Variants in RAD51B observed in about 807,000 individuals in gnomAD.
RAD51B encodes DNA repair protein RAD51 homolog 2.
RAD51B carries 38 observed loss-of-function variants against 42.2 expected under a neutral mutation model. The ratio of observed to expected loss-of-function variants is 0.90; its 90% CI spans 0.70 to 1.18. The LOEUF is 1.18. Among genes scored for constraint, RAD51B ranks in the 50% most tolerant of loss-of-function variants. The probability of loss-of-function intolerance (pLI) is 0.00; values close to 1 mark genes in which losing one functional copy is unlikely to be tolerated. For missense variants in RAD51B, 373 were observed against 400.7 expected, an observed-to-expected ratio of 0.93 and a Z score of 0.59; for synonymous variants, 154 against 145.2, an observed-to-expected ratio of 1.06 and a Z score of -0.43.
chr14:67,823,368 A>T (rs1031688465), intron 1 of RAD51B, among the ~76,000 whole-genome samples, 174 bp from the exon 2 acceptor site: 1 of 152,202 alleles, frequency 6.6e-6, no homozygotes, highest in African/African-American at 2.4e-5. Context: ...AAAACATTTA[A>T]AAAGGTTCTA....
intron 8 of RAD51B, chr14:68,387,059 T>C (rs1263239732): frequency 6.6e-6 from 1 of 152,254 alleles, no homozygotes; most frequent in Non-Finnish European, 1.5e-5. Flanking sequence ...GGGATGGTTG[T>C]TGCTTTTCCC....
intron 10 of RAD51B, among the ~76,000 whole-genome samples, chr14:68,529,572 G>C (rs748546548): frequency 1.3e-5 from 2 of 152,204 alleles, no homozygotes; most frequent in Non-Finnish European, 2.9e-5. Flanking sequence ...CAGAAGCTAG[G>C]ATGCTTTCAC....
At position 68,196,989 on chromosome 14, in the gene RAD51B, G is replaced by A. The variant is rs932239961; in HGVS notation, c.757-94895G>A. Among the ~76,000 whole-genome samples the A allele has an allele frequency of 4.0e-4, 61 of 152,050 alleles. 1 individual carries two copies. The highest frequency in any genetic ancestry group is 2.2e-4 in the Non-Finnish European group (15 of 67,990). On this transcript the variant is annotated intron_variant, in intron 7 of 10. Coordinates refer to ENST00000471583, the MANE Select transcript of RAD51B (RefSeq NM_133510.4). Reference sequence around the variant, plus strand: ...GAATGCTGGAAATCCTATAAACAATGGCTTCTTTAGTTTAAGACTCTAACT... The same window carrying A: ...GAATGCTGGAAATCCTATAAACAATAGCTTCTTTAGTTTAAGACTCTAACT...
At chr14:67,899,362 T>C (rs1207032307) in intron 7 of RAD51B, among the ~76,000 whole-genome samples, 2 of 152,146 alleles carry the variant, frequency 1.3e-5, no homozygotes, top group African/African-American at 4.8e-5. Context: ...ATTATTTTAA[T>C]GTTGACTCAG....
intron 4 of RAD51B, 161 bp from the exon 5 acceptor site, chr14:67,864,842 C>T: frequency 2.6e-6 from 3 of 1,158,364 alleles, no homozygotes; most frequent in Non-Finnish European, 3.7e-6. Flanking sequence ...TAATTCATTC[C>T]ATACAATGGA....
Position 68,349,238 on chromosome 14 carries a change from A to C in RAD51B, c.853+57258A>C, listed in dbSNP as rs781587559. Among the ~76,000 whole-genome samples the C allele has an allele frequency of 6.6e-4, 101 of 152,220 alleles. 1 individual carries two copies. Among genetic ancestry groups the C allele is most frequent in the Non-Finnish European group, 1.3e-3 (91 of 68,042 alleles). ...CATTTGACATATAGGCCAAATGGAC[A>C]TTGGCTGAGTGTCATTGTAAAATCT... On this transcript the variant is annotated intron_variant, in intron 8 of 10. Coordinates refer to ENST00000471583, the MANE Select transcript of RAD51B (RefSeq NM_133510.4).
At chr14:67,869,048 C>T (rs1463896734) in intron 5 of RAD51B, among the ~76,000 whole-genome samples, 7 of 152,212 alleles carry the variant, frequency 4.6e-5, no homozygotes, top group East Asian at 3.9e-4. Context: ...TCCAAAGGAA[C>T]GCAGTTCCTC....
intron 7 of RAD51B, among the ~76,000 whole-genome samples, chr14:68,158,322 T>C (rs1376889458): frequency 2.0e-5 from 3 of 152,242 alleles, no homozygotes; most frequent in African/African-American, 7.2e-5. Context: ...ACCCAAATGG[T>C]ATAATTCTTC....
intron 7 of RAD51B, among the ~76,000 whole-genome samples, chr14:68,082,954 A>T (rs2076933761): frequency 1.3e-5 from 2 of 152,130 alleles, no homozygotes; most frequent in African/African-American, 4.8e-5. Flanking sequence ...TTTCCCCAGG[A>T]CACTCTCCTA....
At chr14:68,357,065 A>G (rs1032279940) in intron 8 of RAD51B, among the ~76,000 whole-genome samples, 3 of 151,976 alleles carry the variant, frequency 2.0e-5, no homozygotes, top group Non-Finnish European at 1.5e-5. Context: ...GTAGCATGTC[A>G]TGCTGTTTGA....
intron 6 of RAD51B, among the ~76,000 whole-genome samples, chr14:67,886,439 T>G (rs1368938745): frequency 6.6e-6 from 1 of 152,108 alleles, no homozygotes; most frequent in Non-Finnish European, 1.5e-5. Context: ...CTCCCTAATA[T>G]AGTTGTTGGA....
chr14:68,053,760 T>G (rs1045683798), intron 7 of RAD51B, among the ~76,000 whole-genome samples: 4 of 152,202 alleles, frequency 2.6e-5, no homozygotes, highest in Non-Finnish European at 5.9e-5. Flanking sequence ...TGTATTATCT[T>G]GAATAACTCC....
At chr14:68,584,300 T>C (rs887094494) in intron 10 of RAD51B, among the ~76,000 whole-genome samples, 1 of 152,178 alleles carries the variant, frequency 6.6e-6, no homozygotes, top group Non-Finnish European at 1.5e-5. Context: ...ATCTAGGACC[T>C]CCTTGGGGCC....
chr14:68,158,367 G>A (rs2078562907), intron 7 of RAD51B, among the ~76,000 whole-genome samples: 1 of 152,190 alleles, frequency 6.6e-6, no homozygotes, highest in South Asian at 2.1e-4. Context: ...CATCTGCCAA[G>A]TAAATGGTTT....
chr14:68,308,967 A>G (rs2081920409), intron 8 of RAD51B, among the ~76,000 whole-genome samples: 1 of 152,212 alleles, frequency 6.6e-6, no homozygotes. Flanking sequence ...AGGCTCTTAC[A>G]AAACAGAGGG....
At chr14:68,662,764 C>G (rs1187494335) in intron 11 of RAD51B, among the ~76,000 whole-genome samples, 4 of 152,184 alleles carry the variant, frequency 2.6e-5, no homozygotes, top group Non-Finnish European at 4.4e-5. Context: ...TTTCCTAAGC[C>G]TTCATAAGCC....
At chr14:68,249,586 T>A (rs2080576013) in intron 7 of RAD51B, among the ~76,000 whole-genome samples, 1 of 152,250 alleles carries the variant, frequency 6.6e-6, no homozygotes, top group Non-Finnish European at 1.5e-5. Context: ...ACTTGTTATA[T>A]AAAACAAAAA....
At chr14:68,149,043 T>C (rs753464097) in intron 7 of RAD51B, among the ~76,000 whole-genome samples, 64 of 152,330 alleles carry the variant, frequency 4.2e-4, no homozygotes, top group Middle Eastern at 6.8e-3. Context: ...GATCTTTTAC[T>C]CATTTTTAAA....
At chr14:68,032,819 C>G (rs1321648622) in intron 7 of RAD51B, among the ~76,000 whole-genome samples, 1 of 152,116 alleles carries the variant, frequency 6.6e-6, no homozygotes, top group East Asian at 1.9e-4. Context: ...TTATTTATCT[C>G]TTCTTTCAGC....
Sources: allele counts gnomAD v4.1 joint callset (sites outside exome capture counted in the v4.1 genomes callset), GRCh38; gene constraint gnomAD v4.1.1; transcripts MANE v1.5; gene names NCBI Gene and HGNC (gene_info 2026-07-23, HGNC 2026-07-21).